CTNND2: variants seen among roughly 807,000 people sequenced by gnomAD.
CTNND2 encodes catenin delta-2.
Under a neutral mutation model 144.4 loss-of-function variants are expected in CTNND2, and 22 were observed. That is an observed-to-expected ratio of 0.15 (90% CI 0.11 to 0.22). The LOEUF is 0.22. Among genes scored for constraint, CTNND2 ranks in the 10% least tolerant of loss-of-function variants. CTNND2 has a pLI of 1.00. For missense variants in CTNND2, 1,353 were observed against 1,618.8 expected, an observed-to-expected ratio of 0.84 and a Z score of 2.82; for synonymous variants, 751 against 695.6, an observed-to-expected ratio of 1.08 and a Z score of -1.25.
chr5:11,356,054 A>G (rs576696897), intron 8 of CTNND2, among the ~76,000 whole-genome samples: 1 of 152,244 alleles, frequency 6.6e-6, no homozygotes, highest in Non-Finnish European at 1.5e-5. Context: ...AGAGGACACA[A>G]ATAAATGAAA....
chr5:11,876,360 A>G (rs954218470), intron 1 of CTNND2, among the ~76,000 whole-genome samples: 1 of 152,064 alleles, frequency 6.6e-6, no homozygotes, highest in Admixed American at 6.6e-5. Flanking sequence ...GAAAAGAACG[A>G]AAAAGGAAAA....
intron 9 of CTNND2, among the ~76,000 whole-genome samples, chr5:11,343,663 A>G (rs375697252): frequency 1.8e-4 from 28 of 152,342 alleles, no homozygotes; most frequent in African/African-American, 6.3e-4. Flanking sequence ...CCTGGCACCA[A>G]TGCATTTTCA....
chr5:11,670,169 A>G (rs1457758400), intron 2 of CTNND2, among the ~76,000 whole-genome samples: 1 of 152,118 alleles, frequency 6.6e-6, no homozygotes, highest in Admixed American at 6.5e-5. Context: ...TTTACTTCCA[A>G]TTATGTGTCA....
intron 9 of CTNND2, among the ~76,000 whole-genome samples, chr5:11,259,481 C>T (rs1744637541): frequency 6.6e-6 from 1 of 152,308 alleles, no homozygotes; most frequent in Admixed American, 6.5e-5. Context: ...TTACATGATG[C>T]AGCCCACTGA....
chr5:11,032,530 T>C (rs1439124813), intron 16 of CTNND2, among the ~76,000 whole-genome samples: 1 of 152,226 alleles, frequency 6.6e-6, no homozygotes, highest in South Asian at 2.1e-4. Flanking sequence ...AAAATGGTAT[T>C]GCTTAGTTAC....
intron 11 of CTNND2, among the ~76,000 whole-genome samples, chr5:11,172,088 T>G (rs1759985637): frequency 6.6e-6 from 1 of 152,198 alleles, no homozygotes; most frequent in Non-Finnish European, 1.5e-5. Context: ...CGCCATAATA[T>G]TTCTCATGTG....
chr5:11,538,486 C>G (rs1390550657), intron 3 of CTNND2, among the ~76,000 whole-genome samples: 1 of 152,174 alleles, frequency 6.6e-6, no homozygotes, highest in Non-Finnish European at 1.5e-5. Flanking sequence ...GCTGTATACA[C>G]AGGGCAAAAG....
At position 11,384,719 on chromosome 5, in the gene CTNND2, G is replaced by A. The variant is rs776251184; in HGVS notation, c.1123C>T (p.His375Tyr). 6.2e-7 allele frequency: 1 copy of A among 1,611,386 alleles called. No homozygotes were observed. Among genetic ancestry groups the A allele is most frequent in the Non-Finnish European group, 8.5e-7 (1 of 1,179,416 alleles). The part of the protein sequence containing the change: ...LVHASEQYSK[H>Y]SQELYATATL... ...GCCGTGGCATACAGCTCCTGCGAGT[G>A]CTTGCTGTACTGCTCGGACGCGTGG... Residue 375 changes from histidine to tyrosine, a missense_variant, in exon 7 of 22, where the codon CAC becomes TAC. This residue lies in a region of CTNND2 where 708 missense variants were observed against 706.4 expected (regional missense o/e 1.00). Coordinates refer to ENST00000304623, the MANE Select transcript of CTNND2 (RefSeq NM_001332.4). This position sits in a 1 kb window ranked among gnomAD's most constrained non-coding sequence, Gnocchi z 5.2.
At position 11,016,939 on chromosome 5, in the gene CTNND2, A is replaced by AT. The variant is rs200126119; in HGVS notation, c.3084+1034dup. ...GCGCTGCTACCACGCCGAGCTTTTT[A>AT]TTTTTTTTTGAATTATTAGTAGAGA... On this transcript the variant is annotated intron_variant, in intron 18 of 21. Coordinates refer to ENST00000304623, the MANE Select transcript of CTNND2 (RefSeq NM_001332.4). Among the ~76,000 whole-genome samples, 378 of 147,388 alleles carry AT rather than the reference A, an allele frequency of 2.6e-3. 1 individual carries two copies. The highest frequency in any genetic ancestry group is 8.3e-3 in the African/African-American group (335 of 40,362).
intron 1 of CTNND2, among the ~76,000 whole-genome samples, chr5:11,847,736 C>T (rs781211522): frequency 2.7e-4 from 41 of 151,748 alleles, no homozygotes; most frequent in Non-Finnish European, 5.0e-4. Context: ...CACATTATAC[C>T]CCATGAATAT....
rs1458706780 is a variant in CTNND2 at position 11,843,799 on chromosome 5, C to T, written c.37+60018G>A. ...TTGACTCTATTTGGATCAATAAAAT[C>T]AGAAAAAAACTCATTTTTTTTCCAG... On this transcript the variant is annotated intron_variant, in intron 1 of 21. Coordinates refer to ENST00000304623, the MANE Select transcript of CTNND2 (RefSeq NM_001332.4). Among the ~76,000 whole-genome samples, 11 of 152,134 alleles carry T rather than the reference C, an allele frequency of 7.2e-5. No individual in the cohort carries two copies. The East Asian group carries it at 2.1e-3, about 29-fold the overall frequency.
intron 16 of CTNND2, among the ~76,000 whole-genome samples, chr5:11,071,054 G>C (rs1353228288): frequency 1.3e-5 from 2 of 151,930 alleles, no homozygotes; most frequent in African/African-American, 4.8e-5. Flanking sequence ...GAGAAGAAAA[G>C]GCCAAAGAGG....
chr5:11,468,043 A>C (rs193280446), intron 3 of CTNND2, among the ~76,000 whole-genome samples: 1 of 152,352 alleles, frequency 6.6e-6, no homozygotes, highest in African/African-American at 2.4e-5. Context: ...GGGGAGTTAA[A>C]CGTGTGTCTG....
chr5:11,375,284 C>T (rs1182798797), intron 7 of CTNND2, among the ~76,000 whole-genome samples: 1 of 152,168 alleles, frequency 6.6e-6, no homozygotes, highest in African/African-American at 2.4e-5. Flanking sequence ...GAAAAAGACA[C>T]CCTAACTCTC....
At chr5:11,822,485 C>T (rs765114203) in intron 1 of CTNND2, among the ~76,000 whole-genome samples, 36 of 152,210 alleles carry the variant, frequency 2.4e-4, no homozygotes, top group Non-Finnish European at 4.3e-4. Flanking sequence ...TTGTGGTAGG[C>T]AGTCTCAAAA....
intron 2 of CTNND2, among the ~76,000 whole-genome samples, chr5:11,582,112 T>C (rs1225945641): frequency 6.6e-6 from 1 of 152,154 alleles, no homozygotes; most frequent in East Asian, 1.9e-4. Flanking sequence ...TTTCTGCTCA[T>C]CTGGTCTGCA....
At position 11,217,251 on chromosome 5, in the gene CTNND2, A is replaced by T. The variant is rs190147267; in HGVS notation, c.1762-17590T>A. On this transcript the variant is annotated intron_variant, in intron 10 of 21. Transcript: ENST00000304623. ...TAAGAAATCGTTCATTATAACTAGC[A>T]TCTTTTCAGATGAGTCATTCAAGAG... 7.2e-4 allele frequency among the ~76,000 whole-genome samples: 110 copies of T among 152,344 alleles called. 2 individuals carry two copies. Among genetic ancestry groups the T allele is most frequent in the African/African-American group, 2.6e-3 (108 of 41,580 alleles).
intron 9 of CTNND2, among the ~76,000 whole-genome samples, chr5:11,302,011 C>T (rs890126244): frequency 1.3e-5 from 2 of 152,102 alleles, no homozygotes; most frequent in Non-Finnish European, 2.9e-5. Flanking sequence ...GGAATGTGGG[C>T]AACTGGGAGT....
intron 14 of CTNND2, among the ~76,000 whole-genome samples, chr5:11,104,795 T>C (rs564567285): frequency 5.3e-5 from 8 of 152,296 alleles, no homozygotes; most frequent in Admixed American, 2.0e-4. Flanking sequence ...CTGCATTGTC[T>C]CCAGGCTCTC....
Sources: allele counts gnomAD v4.1 joint callset (sites outside exome capture counted in the v4.1 genomes callset), GRCh38; gene constraint gnomAD v4.1.1; regional missense constraint gnomAD v4.1.1; non-coding constraint Gnocchi (gnomAD v3.1); transcripts MANE v1.5; gene names NCBI Gene and HGNC (gene_info 2026-07-23, HGNC 2026-07-21).